SORCS3: variants seen among roughly 807,000 people sequenced by gnomAD.
The protein encoded by SORCS3 is VPS10 domain-containing receptor SorCS3.
In SORCS3, 57 loss-of-function variants were observed where a neutral mutation model predicts 146.3. The observed-to-expected ratio is 0.39, with a 90% CI of 0.31 to 0.49. The LOEUF is 0.49. SORCS3 is among the 20% of genes least tolerant of loss of function. The pLI is 0.92. For missense variants in SORCS3, 1,341 were observed against 1,575.5 expected, an observed-to-expected ratio of 0.85 and a Z score of 2.52; for synonymous variants, 653 against 618.5, an observed-to-expected ratio of 1.06 and a Z score of -0.83.
In SORCS3 at chr10:104,708,341, G is replaced by T. The variant is rs1022435165; in HGVS notation, c.627+66387G>T. 3.9e-5 allele frequency among the ~76,000 whole-genome samples: 6 copies of T among 152,206 alleles called. No homozygotes were observed. In the East Asian group the frequency reaches 1.2e-3, roughly 29 times the overall value. The stretch of plus-strand genomic sequence containing the variant: ...GTCACCTGGTGCAGCCTTCCTGATG[G>T]CACTGCATGCCACCACAGTCTTGCA... On this transcript the variant is annotated intron_variant, in intron 1 of 26. Transcript: ENST00000369701.
At chr10:104,739,318 C>G (rs2016813786) in intron 1 of SORCS3, among the ~76,000 whole-genome samples, 1 of 152,160 alleles carries the variant, frequency 6.6e-6, no homozygotes. Context: ...CAAAATAGGT[C>G]AGGCAAATGG....
At chr10:104,912,780 C>T (rs1278733219) in intron 2 of SORCS3, among the ~76,000 whole-genome samples, 2 of 151,992 alleles carry the variant, frequency 1.3e-5, no homozygotes, top group Non-Finnish European at 2.9e-5. Flanking sequence ...GGAAGAGATC[C>T]CAGAATAAGG....
chr10:104,829,611 C>T (rs768004441), intron 1 of SORCS3, among the ~76,000 whole-genome samples: 4 of 151,918 alleles, frequency 2.6e-5, no homozygotes, highest in Non-Finnish European at 5.9e-5. Flanking sequence ...TGGATTGATT[C>T]TAAAGGCAGT....
At chr10:104,683,877 G>A (rs1007436623) in intron 1 of SORCS3, among the ~76,000 whole-genome samples, 4 of 152,136 alleles carry the variant, frequency 2.6e-5, no homozygotes, top group Admixed American at 6.5e-5. Flanking sequence ...GCTCTATGCT[G>A]GGGATACAAG....
At chr10:104,891,276 G>A (rs759335566) in intron 2 of SORCS3, among the ~76,000 whole-genome samples, 2 of 152,100 alleles carry the variant, frequency 1.3e-5, no homozygotes, top group Non-Finnish European at 2.9e-5. Context: ...TCTTTCAGGC[G>A]GTTCTTTTTC....
intron 1 of SORCS3, among the ~76,000 whole-genome samples, chr10:104,677,969 G>A (rs2015930614): frequency 6.6e-6 from 1 of 152,156 alleles, no homozygotes; most frequent in Non-Finnish European, 1.5e-5. Context: ...TATGAAGGAT[G>A]ATGACCAGAC....
Position 105,223,128 on chromosome 10 carries a change from A to G in SORCS3, c.2747A>G (p.His916Arg). 1 of 1,607,598 alleles carries G rather than the reference A, an allele frequency of 6.2e-7. No individual in the cohort carries two copies. The highest frequency in any genetic ancestry group is 8.5e-7 in the Non-Finnish European group (1 of 1,175,598). The stretch of plus-strand genomic sequence containing the variant: ...TCTGTTTCCTTAGGTCCTGTGGAGC[A>G]TGTTCATCTCCGAGTTCCATTTGTT... ...LFLHVVCPVE[H>R]VHLRVPFVAI... is the part of the protein sequence containing the mutation. The change falls in exon 20 of 27, where the codon CAT (histidine) becomes CGT (arginine). Residue 916 changes from histidine (H) to arginine (R), a missense_variant. Coordinates refer to ENST00000369701, the MANE Select transcript of SORCS3 (RefSeq NM_014978.3).
intron 1 of SORCS3, among the ~76,000 whole-genome samples, chr10:104,795,249 C>A (rs1465744453): frequency 6.6e-6 from 1 of 152,172 alleles, no homozygotes; most frequent in Non-Finnish European, 1.5e-5. Flanking sequence ...TATATAGAAT[C>A]ACCATGAATA....
intron 19 of SORCS3, among the ~76,000 whole-genome samples, chr10:105,221,952 G>C (rs1271700048): frequency 4.6e-5 from 7 of 151,342 alleles, no homozygotes; most frequent in Non-Finnish European, 7.4e-5. Context: ...GAAAGTAAGG[G>C]AAGGAGTTAG....
chr10:105,063,336 C>A (rs2055500457), intron 5 of SORCS3, among the ~76,000 whole-genome samples: 1 of 152,176 alleles, frequency 6.6e-6, no homozygotes, highest in Non-Finnish European at 1.5e-5. Flanking sequence ...TTAAAACACT[C>A]TCATTTTACA....
At chr10:104,995,158 CTT>C (rs777456023) in intron 4 of SORCS3, among the ~76,000 whole-genome samples, 204 of 140,986 alleles carry the variant, frequency 1.4e-3, no homozygotes, top group African/African-American at 5.4e-3. Flanking sequence ...TTCTTTCTTT[CTT>C]TCTCTTTTTT....
chr10:105,260,481 T>C (rs2056954324), intron 25 of SORCS3, among the ~76,000 whole-genome samples: 1 of 152,192 alleles, frequency 6.6e-6, no homozygotes, highest in Non-Finnish European at 1.5e-5. Flanking sequence ...GCTGTTCACT[T>C]TGGGTTCTTG....
intron 1 of SORCS3, among the ~76,000 whole-genome samples, chr10:104,689,000 G>A (rs2016082296): frequency 6.6e-6 from 1 of 152,202 alleles, no homozygotes; most frequent in South Asian, 2.1e-4. Context: ...ATAGCTCAGA[G>A]TGGCCTCTTA....
intron 1 of SORCS3, among the ~76,000 whole-genome samples, chr10:104,778,691 G>A (rs1004159106): frequency 3.9e-5 from 6 of 152,172 alleles, no homozygotes; most frequent in Non-Finnish European, 7.3e-5. Flanking sequence ...CCCAGGCACC[G>A]TGTTAAATGC....
chr10:105,034,579 A>T (rs184947650), intron 4 of SORCS3, among the ~76,000 whole-genome samples: 2,228 of 152,282 alleles, frequency 0.015, 46 homozygotes, highest in African/African-American at 0.05. Context: ...TATATGGGGC[A>T]AGCCTCATCT....
intron 4 of SORCS3, among the ~76,000 whole-genome samples, chr10:105,039,120 A>G (rs1190147379): frequency 2.0e-5 from 3 of 152,154 alleles, no homozygotes; most frequent in African/African-American, 7.2e-5. Context: ...TAGTTGTTTG[A>G]TACACTTTTA....
At chr10:105,234,445 C>T (rs2056781635) in intron 20 of SORCS3, among the ~76,000 whole-genome samples, 1 of 151,582 alleles carries the variant, frequency 6.6e-6, no homozygotes, top group South Asian at 2.1e-4. Context: ...CTATGATTCT[C>T]AGTTATAATT....
At chr10:104,932,342 A>C (rs1438592457) in intron 3 of SORCS3, among the ~76,000 whole-genome samples, 1 of 152,232 alleles carries the variant, frequency 6.6e-6, no homozygotes, top group Non-Finnish European at 1.5e-5. Flanking sequence ...GAATGTATGC[A>C]TGCTGAGTGT....
rs747660450 is a variant in SORCS3, at chr10:105,263,388, C to T, written c.*14C>T. Reference sequence around the variant, plus strand: ...ACTAGTGTTTAATACCAGCAAGCCACGTGGTCAACCACCTTTCTGACTTTT... The same window carrying T: ...ACTAGTGTTTAATACCAGCAAGCCATGTGGTCAACCACCTTTCTGACTTTT... On this transcript the variant is annotated 3_prime_UTR_variant, in exon 27 of 27. Coordinates refer to ENST00000369701, the MANE Select transcript of SORCS3 (RefSeq NM_014978.3). 15 of 1,613,070 alleles carry T rather than the reference C, an allele frequency of 9.3e-6. No individual in the cohort carries two copies. The highest frequency in any genetic ancestry group is 3.3e-5 in the South Asian group (3 of 91,018).
Sources: allele counts gnomAD v4.1 joint callset (sites outside exome capture counted in the v4.1 genomes callset), GRCh38; gene constraint gnomAD v4.1.1; transcripts MANE v1.5; gene names NCBI Gene and HGNC (gene_info 2026-07-23, HGNC 2026-07-21).